NIBAN1: variants seen among roughly 807,000 people sequenced by gnomAD.
NIBAN1 encodes the protein protein Niban 1.
A neutral mutation model predicts 75.1 loss-of-function variants in NIBAN1; 81 were observed. The ratio of observed to expected loss-of-function variants is 1.08; its 90% CI spans 0.90 to 1.30. NIBAN1 has a LOEUF of 1.30. Ranked by LOEUF, NIBAN1 falls within the 50% of genes most tolerant of loss-of-function variation. NIBAN1 has a pLI of 0.00. For missense variants in NIBAN1, 1,133 were observed against 1,128.1 expected (o/e 1.00, Z -0.06); for synonymous variants, 436 against 424.8 (o/e 1.03, Z -0.32).
chr1:184,949,219 G>C (rs749894170), intron 1 of NIBAN1, among the ~76,000 whole-genome samples: 13 of 152,144 alleles, frequency 8.5e-5, no homozygotes, highest in Non-Finnish European at 1.9e-4. Context: ...TTAGCCAGGC[G>C]TGGTGGCGGG....
chr1:184,946,172 G>A (rs1658220218), intron 1 of NIBAN1, among the ~76,000 whole-genome samples: 1 of 152,156 alleles, frequency 6.6e-6, no homozygotes, highest in Non-Finnish European at 1.5e-5. Context: ...CAGATGTTTG[G>A]CACCAATGAC....
chr1:184,794,436 T>C lies in NIBAN1; in HGVS notation c.*541A>G. ...TTCTCTTGAATCTATTGGGCATGAT[T>C]GCCTCTGTGGGGGCTACAGCCAGCA... On this transcript the variant is annotated 3_prime_UTR_variant, in exon 14 of 14. Transcript: ENST00000367511. The C allele has an allele frequency of 5.9e-6, 1 of 168,170 alleles. No homozygotes were observed. The highest frequency in any genetic ancestry group is 5.9e-5 in the Admixed American group (1 of 16,998). The allele number at this position is 168,170 out of a possible 1,614,324, so 10.4% of individuals were successfully genotyped here. A position where few individuals can be genotyped will look rare whatever the true frequency, so the allele number is the denominator to read the frequency against.
At chr1:184,963,028 T>C (rs1658691905) in intron 1 of NIBAN1, among the ~76,000 whole-genome samples, 1 of 152,082 alleles carries the variant, frequency 6.6e-6, no homozygotes, top group South Asian at 2.1e-4. Flanking sequence ...TTTTTTTTCA[T>C]TTTGTATGAC....
intron 1 of NIBAN1, among the ~76,000 whole-genome samples, chr1:184,958,104 C>A (rs1293739002): frequency 6.6e-6 from 1 of 152,156 alleles, no homozygotes; most frequent in East Asian, 1.9e-4. Flanking sequence ...CAGTGACTCA[C>A]GCCTGTAATC....
intron 1 of NIBAN1, among the ~76,000 whole-genome samples, chr1:184,915,462 C>T (rs1657360882): frequency 6.6e-6 from 1 of 152,206 alleles, no homozygotes; most frequent in East Asian, 1.9e-4. Flanking sequence ...GTACCAACTT[C>T]AAAGCCCTCT....
chr1:184,856,790 A>G (rs1020518619), intron 5 of NIBAN1, among the ~76,000 whole-genome samples: 1 of 152,236 alleles, frequency 6.6e-6, no homozygotes, highest in Non-Finnish European at 1.5e-5. Flanking sequence ...ATCACAAGGC[A>G]GGTGCCTGGT....
In NIBAN1 at chr1:184,808,132, C is replaced by G; in HGVS notation, c.1277G>C (p.Arg426Pro). ...LHERLQDLKS[R>P]FRFPHIDLVV... ...CAGATCAATGTGGGGGAATCTGAAG[C>G]GGCTCTTGAGATCCTGCAGGCGCTC... The change falls in exon 10 of 14, where the codon CGC becomes CCC. Residue 426 changes from arginine (R) to proline (P), a missense_variant. Transcript: ENST00000367511. 1 of 1,613,994 alleles carries G rather than the reference C, an allele frequency of 6.2e-7. No individual in the cohort carries two copies. Among genetic ancestry groups the G allele is most frequent in the African/African-American group, 1.3e-5 (1 of 75,002 alleles).
intron 1 of NIBAN1, among the ~76,000 whole-genome samples, chr1:184,965,495 C>G (rs1381830033): frequency 1.3e-5 from 2 of 152,118 alleles, no homozygotes; most frequent in African/African-American, 4.8e-5. Context: ...TTTGCAGGAA[C>G]ATGGATGGAG....
intron 5 of NIBAN1, among the ~76,000 whole-genome samples, chr1:184,876,927 A>C (rs1358968389): frequency 6.6e-6 from 1 of 152,232 alleles, no homozygotes; most frequent in African/African-American, 2.4e-5. Flanking sequence ...AAATCCAAAA[A>C]TGCACTGAAA....
intron 11 of NIBAN1, among the ~76,000 whole-genome samples, chr1:184,804,608 A>C (rs566953558): frequency 3.9e-5 from 6 of 152,174 alleles, no homozygotes; most frequent in Admixed American, 1.3e-4. Context: ...AACTAAAGGC[A>C]CTCAAAATCT....
intron 1 of NIBAN1, among the ~76,000 whole-genome samples, chr1:184,903,733 CTT>C (rs368105582): frequency 0.049 from 4,919 of 99,512 alleles, 36 homozygotes; most frequent in Middle Eastern, 0.079. Context: ...CCGATTAAAC[CTT>C]TTTTTTTTTT....
intron 1 of NIBAN1, among the ~76,000 whole-genome samples, chr1:184,959,699 T>A (rs1292800465): frequency 6.6e-6 from 1 of 152,222 alleles, no homozygotes; most frequent in Non-Finnish European, 1.5e-5. Flanking sequence ...GTTTGAGGTT[T>A]GCTTTTAAAT....
chr1:184,798,507 G>A (rs889842312), intron 12 of NIBAN1, among the ~76,000 whole-genome samples: 1 of 152,158 alleles, frequency 6.6e-6, no homozygotes, highest in Non-Finnish European at 1.5e-5. Flanking sequence ...CTTCATGGGA[G>A]AAGACAGCAG....
intron 1 of NIBAN1, among the ~76,000 whole-genome samples, chr1:184,919,323 C>CG (rs1657470044): frequency 6.6e-6 from 1 of 152,172 alleles, no homozygotes; most frequent in Admixed American, 6.5e-5. Context: ...CCAAAGGGAG[C>CG]GCTGGAGTGT....
intron 2 of NIBAN1, among the ~76,000 whole-genome samples, chr1:184,894,692 C>T (rs59520767): frequency 0.025 from 3,787 of 152,314 alleles, 147 homozygotes; most frequent in African/African-American, 0.087. Flanking sequence ...CAATGGTTTT[C>T]CTAAACCCAA....
intron 12 of NIBAN1, among the ~76,000 whole-genome samples, chr1:184,799,504 T>C (rs1177927659): frequency 2.7e-5 from 4 of 148,942 alleles, no homozygotes; most frequent in South Asian, 2.2e-4. Flanking sequence ...AATAAACATA[T>C]GTGTGCATGT....
At chr1:184,813,830 G>T (rs1179464533) in intron 9 of NIBAN1, among the ~76,000 whole-genome samples, 1 of 152,202 alleles carries the variant, frequency 6.6e-6, no homozygotes, top group East Asian at 1.9e-4. Context: ...GGAGTTCGAT[G>T]CTGGAATAAG....
chr1:184,957,946 C>T (rs1247781775), intron 1 of NIBAN1, among the ~76,000 whole-genome samples: 1 of 152,138 alleles, frequency 6.6e-6, no homozygotes, highest in Non-Finnish European at 1.5e-5. Flanking sequence ...CTTAAAGTGG[C>T]TGCAAAGGCT....
chr1:184,903,295 C>T (rs532648264), intron 1 of NIBAN1, among the ~76,000 whole-genome samples: 4 of 152,290 alleles, frequency 2.6e-5, no homozygotes, highest in South Asian at 4.1e-4. Flanking sequence ...CTGGGCATTG[C>T]GTTAGTACAA....
Sources: gnomAD v4.1 joint callset for allele counts (sites outside exome capture counted in the v4.1 genomes callset) on GRCh38, gnomAD v4.1.1 for gene constraint, MANE v1.5 for transcripts, NCBI Gene and HGNC (gene_info 2026-07-23, HGNC 2026-07-21) for gene names.